The following PCDH9 variants were observed in gnomAD, a reference collection of about 807,000 sequenced individuals.
PCDH9 encodes the protein protocadherin-9.
PCDH9 carries 24 observed loss-of-function variants against 70.6 expected under a neutral mutation model. The observed-to-expected ratio is 0.34, with a 90% CI of 0.25 to 0.48. The LOEUF (loss-of-function observed/expected upper bound fraction) is 0.48, where lower values mean the gene tolerates loss of function less well. Among genes scored for constraint, PCDH9 ranks in the 20% least tolerant of loss-of-function variants. The pLI, the probability that PCDH9 is intolerant of heterozygous loss-of-function variation, is 0.99. For synonymous variants in PCDH9, 562 were observed against 558.5 expected (o/e 1.01, Z -0.09); for missense variants, 1,281 against 1,503.6 (o/e 0.85, Z 2.45).
At chr13:66,939,424 ATG>A (rs57997772) in intron 2 of PCDH9, among the ~76,000 whole-genome samples, 3,970 of 148,082 alleles carry the variant, frequency 0.027, 155 homozygotes, top group African/African-American at 0.09. Context: ...TTTAAAATAT[ATG>A]TGTGTGTGTG....
At chr13:66,569,801 C>T (rs533229102) in intron 4 of PCDH9, among the ~76,000 whole-genome samples, 1 of 152,222 alleles carries the variant, frequency 6.6e-6, no homozygotes, top group South Asian at 2.1e-4. Context: ...CTGGATCACT[C>T]ATCTGTTGTA....
At chr13:66,571,968 AAT>A (rs2076739058) in intron 4 of PCDH9, among the ~76,000 whole-genome samples, 1 of 152,038 alleles carries the variant, frequency 6.6e-6, no homozygotes, top group African/African-American at 2.4e-5. Flanking sequence ...TTAACTTTTA[AAT>A]ATATATGTTT....
intron 2 of PCDH9, among the ~76,000 whole-genome samples, chr13:67,097,633 T>C (rs1210471151): frequency 6.6e-6 from 1 of 152,172 alleles, no homozygotes; most frequent in Non-Finnish European, 1.5e-5. Context: ...TCACAATCAT[T>C]TGACCTGTAA....
intron 2 of PCDH9, among the ~76,000 whole-genome samples, chr13:67,092,654 T>C (rs1366738121): frequency 1.3e-5 from 2 of 152,196 alleles, no homozygotes; most frequent in African/African-American, 2.4e-5. Flanking sequence ...CATACCTTGT[T>C]TGCTAAAGTT....
chr13:67,150,419 T>A (rs1218580799), intron 2 of PCDH9, among the ~76,000 whole-genome samples: 1 of 152,098 alleles, frequency 6.6e-6, no homozygotes, highest in Admixed American at 6.6e-5. Flanking sequence ...TAATAGAGAG[T>A]ATTAATTTTA....
intron 3 of PCDH9, among the ~76,000 whole-genome samples, chr13:66,898,859 C>T (rs546800790): frequency 1.3e-5 from 2 of 151,870 alleles, no homozygotes; most frequent in Admixed American, 6.6e-5. Context: ...CAAACTGAGC[C>T]CCGTTGTACT....
chr13:66,589,316 C>A (rs1421200887), intron 4 of PCDH9, among the ~76,000 whole-genome samples: 1 of 152,026 alleles, frequency 6.6e-6, no homozygotes, highest in East Asian at 1.9e-4. Flanking sequence ...GTGTTTGATA[C>A]CACCTTACGA....
At chr13:66,807,356 T>C (rs2080426886) in intron 3 of PCDH9, among the ~76,000 whole-genome samples, 1 of 152,178 alleles carries the variant, frequency 6.6e-6, no homozygotes, top group Non-Finnish European at 1.5e-5. Context: ...AACACTATTA[T>C]ACTATTTTTC....
chr13:66,552,323 G>A (rs991321503), intron 4 of PCDH9, among the ~76,000 whole-genome samples: 10 of 152,060 alleles, frequency 6.6e-5, no homozygotes, highest in African/African-American at 2.2e-4. Context: ...CACAGTCAGC[G>A]TTCCTTTGGG....
At chr13:66,415,744 G>GAA (rs150359280) in intron 4 of PCDH9, among the ~76,000 whole-genome samples, 1 of 151,606 alleles carries the variant, frequency 6.6e-6, no homozygotes, top group Non-Finnish European at 1.5e-5. Context: ...TAAAATAAGA[G>GAA]AAAAAAATCA....
chr13:67,028,147 T>C (rs1293092303), intron 2 of PCDH9, among the ~76,000 whole-genome samples: 3 of 148,954 alleles, frequency 2.0e-5, no homozygotes, highest in African/African-American at 5.0e-5. Context: ...CTATTCACAA[T>C]AGCAAAGACT....
intron 3 of PCDH9, among the ~76,000 whole-genome samples, chr13:66,849,365 A>G (rs1432480996): frequency 2.6e-5 from 4 of 151,828 alleles, no homozygotes; most frequent in Non-Finnish European, 5.9e-5. Context: ...GTATCTACCC[A>G]GGTGTCCTAT....
rs138334407 is a variant in PCDH9 at position 66,786,694 on chromosome 13, G to C, written c.3138+116810C>G. Among the ~76,000 whole-genome samples the C allele has an allele frequency of 8.1e-3, 1,226 of 152,260 alleles. 14 individuals carry two copies. Among genetic ancestry groups the C allele is most frequent in the African/African-American group, 0.028 (1,144 of 41,546 alleles). On this transcript the variant is annotated intron_variant, in intron 3 of 4. Transcript: ENST00000377865. ...ACTACCCTGCAAGAAGGCAGGACTA[G>C]CTTCCTTAAGAAAATATCCCATTTG...
chr13:66,792,539 C>T (rs574857165), intron 3 of PCDH9, among the ~76,000 whole-genome samples: 15 of 152,194 alleles, frequency 9.9e-5, no homozygotes, highest in Admixed American at 8.5e-4. Context: ...CTTGGTGGCG[C>T]ATGCCTGTAA....
At chr13:67,108,885 G>A (rs946127171) in intron 2 of PCDH9, among the ~76,000 whole-genome samples, 3 of 152,184 alleles carry the variant, frequency 2.0e-5, no homozygotes, top group Non-Finnish European at 4.4e-5. Context: ...TGGGCCCATA[G>A]AGCAAAAACT....
At chr13:67,104,739 C>T (rs769134858) in intron 2 of PCDH9, among the ~76,000 whole-genome samples, 5 of 151,946 alleles carry the variant, frequency 3.3e-5, no homozygotes, top group Admixed American at 6.6e-5. Context: ...TTAGTAGAGA[C>T]GGGGTTTCAC....
chr13:66,653,588 A>G (rs1486039211), intron 3 of PCDH9, among the ~76,000 whole-genome samples: 1 of 152,142 alleles, frequency 6.6e-6, no homozygotes, highest in Non-Finnish European at 1.5e-5. Context: ...CACAATCACT[A>G]TGGAGAACAG....
At chr13:67,164,868 A>G (rs1281723946) in intron 2 of PCDH9, among the ~76,000 whole-genome samples, 2 of 152,040 alleles carry the variant, frequency 1.3e-5, no homozygotes, top group South Asian at 2.1e-4. Context: ...CCCCTACCCA[A>G]TCACTTGCTA....
chr13:66,371,459 A>G (rs1392544368), intron 4 of PCDH9, among the ~76,000 whole-genome samples: 1 of 152,076 alleles, frequency 6.6e-6, no homozygotes, highest in African/African-American at 2.4e-5. Context: ...TTCAAGGGAT[A>G]TATCTTTAGT....
Sources: gnomAD v4.1 joint callset for allele counts (sites outside exome capture counted in the v4.1 genomes callset) on GRCh38, gnomAD v4.1.1 for gene constraint, MANE v1.5 for transcripts, NCBI Gene and HGNC (gene_info 2026-07-23, HGNC 2026-07-21) for gene names.